Variants in TASP1 observed in about 807,000 individuals in gnomAD.
TASP1 encodes the protein taspase 1.
TASP1 carries 16 observed loss-of-function variants against 56.6 expected under a neutral mutation model. That is an observed-to-expected ratio of 0.28 (90% CI 0.19 to 0.43). The LOEUF is 0.43. TASP1 is among the 20% of genes least tolerant of loss of function. The pLI is 1.00. For synonymous variants in TASP1, 179 were observed against 184.2 expected (o/e 0.97, Z 0.23); for missense variants, 393 against 511.6 (o/e 0.77, Z 2.24).
chr20:13,613,576 T>C (rs145494245), intron 4 of TASP1, among the ~76,000 whole-genome samples: 2 of 152,096 alleles, frequency 1.3e-5, no homozygotes, highest in African/African-American at 4.8e-5. Context: ...AAAAGGCACA[T>C]GAGATTATTT....
chr20:13,192,191 T>G, the TASP1 span, among the ~76,000 whole-genome samples: 1 of 152,244 alleles, frequency 6.6e-6, no homozygotes, highest in Non-Finnish European at 1.5e-5. Context: ...TAAGAAATGT[T>G]AAAAGTTTTC....
the TASP1 span, among the ~76,000 whole-genome samples, chr20:13,139,148 C>A: frequency 6.6e-6 from 1 of 152,134 alleles, no homozygotes; most frequent in Admixed American, 6.5e-5. Context: ...GGATGTTTTT[C>A]AATCAAGAAA....
chr20:13,621,566 T>C (rs1275651845), intron 4 of TASP1, among the ~76,000 whole-genome samples: 2 of 152,184 alleles, frequency 1.3e-5, no homozygotes, highest in Admixed American at 1.3e-4. Flanking sequence ...AGAAATTTTT[T>C]TCCTTTAAAT....
chr20:13,156,865 A>C, the TASP1 span, among the ~76,000 whole-genome samples: 1 of 152,186 alleles, frequency 6.6e-6, no homozygotes, highest in Non-Finnish European at 1.5e-5. Flanking sequence ...CAAAATAATT[A>C]TTACAATTTT....
At chr20:13,198,416 G>A in the TASP1 span, among the ~76,000 whole-genome samples, 1 of 151,928 alleles carries the variant, frequency 6.6e-6, no homozygotes, top group Non-Finnish European at 1.5e-5. Flanking sequence ...CTTTTATGAG[G>A]GCACTAATCT....
At chr20:13,268,344 CTTCCTCTCTCTCTCT>C in the TASP1 span, among the ~76,000 whole-genome samples, 6 of 55,946 alleles carry the variant, frequency 1.1e-4, no homozygotes, top group African/African-American at 1.5e-4. Flanking sequence ...TCTCCTTCTT[CTTCCTCTCTCTCTCT>C]CTCTCTCTCT....
At chr20:13,149,610 A>C in the TASP1 span, among the ~76,000 whole-genome samples, 35 of 152,376 alleles carry the variant, frequency 2.3e-4, no homozygotes, top group African/African-American at 7.9e-4. Flanking sequence ...TGGCAACCAC[A>C]AAGTGTGTCA....
chr20:13,250,735 C>T, the TASP1 span, among the ~76,000 whole-genome samples: 13 of 152,288 alleles, frequency 8.5e-5, no homozygotes, highest in East Asian at 9.6e-4. Flanking sequence ...GTCTTTGGAA[C>T]GGAGTAATTG....
rs532143222 is a variant in TASP1, at chr20:13,408,209, C to A, written c.1170+9239G>T. ...GTTTTAGCTCTTAATATTTTGGTTC[C>A]TGATAAATTTTGAGTTAGTTTTTAT... On this transcript the variant is annotated intron_variant, in intron 13 of 13. Transcript: ENST00000337743. Among the ~76,000 whole-genome samples, 7 of 152,124 alleles carry A rather than the reference C, an allele frequency of 4.6e-5. No homozygotes were observed. In the South Asian group the frequency reaches 1.5e-3, roughly 32 times the overall value.
the TASP1 span, among the ~76,000 whole-genome samples, chr20:13,319,113 T>C: frequency 2.0e-5 from 3 of 152,240 alleles, no homozygotes; most frequent in East Asian, 5.8e-4. Flanking sequence ...TATGTCTCTA[T>C]GGGGGCAGGG....
chr20:13,306,510 T>TTGTTTGTC, the TASP1 span, among the ~76,000 whole-genome samples: 1 of 149,586 alleles, frequency 6.7e-6, no homozygotes, highest in African/African-American at 2.5e-5. Flanking sequence ...TTTTGTTTGT[T>TTGTTTGTC]TGTTTGTCTG....
the TASP1 span, among the ~76,000 whole-genome samples, chr20:13,314,249 CATA>C: frequency 1.3e-5 from 2 of 151,944 alleles, no homozygotes; most frequent in African/African-American, 4.8e-5. Flanking sequence ...TAATGGCAAA[CATA>C]AAACTATAAA....
the TASP1 span, among the ~76,000 whole-genome samples, chr20:13,242,691 GCTGTTGT>G: frequency 6.6e-6 from 1 of 152,154 alleles, no homozygotes; most frequent in Non-Finnish European, 1.5e-5. Flanking sequence ...TGGCTTCTAG[GCTGTTGT>G]TTCTATGCTT....
the TASP1 span, among the ~76,000 whole-genome samples, chr20:13,134,413 T>A: frequency 1.3e-5 from 2 of 152,184 alleles, no homozygotes; most frequent in Non-Finnish European, 2.9e-5. Context: ...ATAGAGTCAC[T>A]GATGTTGGGG....
the TASP1 span, among the ~76,000 whole-genome samples, chr20:13,145,496 A>G: frequency 2.6e-5 from 4 of 152,222 alleles, no homozygotes; most frequent in Non-Finnish European, 2.9e-5. Context: ...GAAGACACAA[A>G]CAAATGGAAA....
the TASP1 span, among the ~76,000 whole-genome samples, chr20:13,125,998 T>C: frequency 7.2e-5 from 11 of 152,198 alleles, no homozygotes; most frequent in African/African-American, 2.7e-4. Context: ...GTTCAACTTC[T>C]CTCTTCTGCC....
Position 13,469,677 on chromosome 20 carries a change from T to C in TASP1, c.985+13550A>G, listed in dbSNP as rs561595593. On this transcript the variant is annotated intron_variant, in intron 11 of 13. Transcript: ENST00000337743. Reference sequence around the variant, plus strand: ...CTTCTGGGTTCTTTGGAAATTGTGATGGTTGTTTCTCAGAATCAACATGTA... The same window carrying C: ...CTTCTGGGTTCTTTGGAAATTGTGACGGTTGTTTCTCAGAATCAACATGTA... Among the ~76,000 whole-genome samples the C allele has an allele frequency of 1.3e-3, 195 of 152,198 alleles. 1 individual carries two copies. In the Middle Eastern group the frequency reaches 0.014, roughly 11 times the overall value.
the TASP1 span, among the ~76,000 whole-genome samples, chr20:13,158,955 T>C: frequency 6.6e-6 from 1 of 152,186 alleles, no homozygotes; most frequent in African/African-American, 2.4e-5. Flanking sequence ...ACCAGCAATC[T>C]CTTAATGCTA....
intron 11 of TASP1, among the ~76,000 whole-genome samples, chr20:13,475,098 T>C (rs2044673675): frequency 1.3e-5 from 2 of 152,338 alleles, no homozygotes; most frequent in South Asian, 4.1e-4. Context: ...ACCAACATTG[T>C]TGAGACTTCC....
Sources: allele counts gnomAD v4.1 joint callset (sites outside exome capture counted in the v4.1 genomes callset), GRCh38; gene constraint gnomAD v4.1.1; transcripts MANE v1.5; gene names NCBI Gene and HGNC (gene_info 2026-07-23, HGNC 2026-07-21).